GRIK1: variants seen among roughly 807,000 people sequenced by gnomAD.
GRIK1 encodes glutamate receptor ionotropic, kainate 1.
In GRIK1, 69 loss-of-function variants were observed where a neutral mutation model predicts 105.7. The ratio of observed to expected loss-of-function variants is 0.65; its 90% CI spans 0.54 to 0.80. The LOEUF is 0.80. Among genes scored for constraint, GRIK1 ranks in the 30% least tolerant of loss-of-function variants. The pLI is 0.00. For synonymous variants in GRIK1, 438 were observed against 431.3 expected (o/e 1.02, Z -0.19); for missense variants, 1,109 against 1,167.3 (o/e 0.95, Z 0.73).
rs370424938 is a variant in GRIK1 at position 29,642,988 on chromosome 21, A to C, written c.955-19T>G. The C allele has an allele frequency of 1.2e-6, 2 of 1,608,114 alleles. No individual in the cohort carries two copies. The highest frequency in any genetic ancestry group is 2.7e-5 in the African/African-American group (2 of 74,728). On this transcript the variant is annotated intron_variant, in intron 6 of 17. Coordinates refer to ENST00000327783, the MANE Select transcript of GRIK1 (RefSeq NM_001330994.2). ...CTTCAGTCTGTGGAGGAAAACACAC[A>C]CCGCATCTTAAATTCCACTTTTGCT... is the stretch of plus-strand genomic sequence containing the variant.
intron 4 of GRIK1, among the ~76,000 whole-genome samples, chr21:29,668,954 C>G (rs189864629): frequency 6.6e-6 from 1 of 152,082 alleles, no homozygotes. Context: ...GACCCTGCTG[C>G]GAGGTGGTGG....
At chr21:29,770,829 C>G (rs955711067) in intron 1 of GRIK1, among the ~76,000 whole-genome samples, 3 of 152,178 alleles carry the variant, frequency 2.0e-5, no homozygotes, top group African/African-American at 7.2e-5. Context: ...AAAATATTCA[C>G]TTGCCTAGGT....
At chr21:29,800,882 G>A (rs1263861182) in intron 1 of GRIK1, among the ~76,000 whole-genome samples, 1 of 152,172 alleles carries the variant, frequency 6.6e-6, no homozygotes, top group Non-Finnish European at 1.5e-5. Flanking sequence ...GAGTGCCTGA[G>A]GACAGGGTGA....
intron 1 of GRIK1, among the ~76,000 whole-genome samples, chr21:29,856,610 G>A (rs377611388): frequency 2.0e-5 from 3 of 152,264 alleles, no homozygotes; most frequent in South Asian, 2.1e-4. Context: ...TCTAAGCACC[G>A]ATGATATAGA....
chr21:29,649,343 T>C (rs1049598955), intron 6 of GRIK1, among the ~76,000 whole-genome samples: 1 of 152,226 alleles, frequency 6.6e-6, no homozygotes, highest in Non-Finnish European at 1.5e-5. Context: ...TGCAGCACCT[T>C]AGTGAGCTAC....
intron 4 of GRIK1, among the ~76,000 whole-genome samples, chr21:29,663,484 A>T (rs946602351): frequency 6.6e-6 from 1 of 152,148 alleles, no homozygotes; most frequent in East Asian, 1.9e-4. Context: ...AAGAATTCAG[A>T]CCTACCTTGA....
At chr21:29,934,840 CA>C (rs1176169875) in intron 1 of GRIK1, among the ~76,000 whole-genome samples, 1 of 151,998 alleles carries the variant, frequency 6.6e-6, no homozygotes, top group East Asian at 1.9e-4. Context: ...CCCATAAAAT[CA>C]ATATTAAATG....
chr21:29,771,886 T>A (rs945922865), intron 1 of GRIK1, among the ~76,000 whole-genome samples: 2 of 152,236 alleles, frequency 1.3e-5, no homozygotes, highest in African/African-American at 2.4e-5. Context: ...TAGTCCCTCC[T>A]GTAAGGTCAC....
intron 12 of GRIK1, 116 bp from the exon 13 acceptor site, chr21:29,581,659 A>G: frequency 1.6e-6 from 1 of 644,590 alleles, no homozygotes; most frequent in African/African-American, 1.8e-5. Context: ...AAAGCTTCAA[A>G]CCAAAAGAGT....
chr21:29,837,318 A>G (rs2067835267), intron 1 of GRIK1, among the ~76,000 whole-genome samples: 1 of 152,202 alleles, frequency 6.6e-6, no homozygotes, highest in Admixed American at 6.5e-5. Flanking sequence ...GTAAAAGAAT[A>G]AATGAGTGAT....
chr21:29,729,471 A>G (rs375353749), intron 1 of GRIK1, among the ~76,000 whole-genome samples: 2 of 152,188 alleles, frequency 1.3e-5, no homozygotes, highest in Non-Finnish European at 2.9e-5. Flanking sequence ...CATATTCAGT[A>G]TCATTTCTGC....
At chr21:29,554,161 C>T (rs1350852544) in intron 16 of GRIK1, among the ~76,000 whole-genome samples, 1 of 152,132 alleles carries the variant, frequency 6.6e-6, no homozygotes, top group Non-Finnish European at 1.5e-5. Context: ...ATATGGGACA[C>T]TTTGTTCAAA....
chr21:29,920,548 C>T (rs1016243662), intron 1 of GRIK1, among the ~76,000 whole-genome samples: 2 of 152,016 alleles, frequency 1.3e-5, no homozygotes, highest in Non-Finnish European at 2.9e-5. Flanking sequence ...AGAACCATGA[C>T]CCTCTCATTA....
intron 3 of GRIK1, among the ~76,000 whole-genome samples, chr21:29,673,762 T>C (rs1487753247): frequency 6.6e-6 from 1 of 152,214 alleles, no homozygotes; most frequent in East Asian, 1.9e-4. Context: ...ACTTGATTTT[T>C]TAAAAAGACC....
chr21:29,710,006 A>G (rs1374224697), intron 1 of GRIK1, among the ~76,000 whole-genome samples: 4 of 151,806 alleles, frequency 2.6e-5, no homozygotes, highest in Non-Finnish European at 5.9e-5. Flanking sequence ...TTAAACCATT[A>G]TTTATGGTTT....
chr21:29,803,684 C>A (rs534868412), intron 1 of GRIK1, among the ~76,000 whole-genome samples: 2 of 152,056 alleles, frequency 1.3e-5, no homozygotes, highest in Non-Finnish European at 2.9e-5. Flanking sequence ...TGGTTCAGCT[C>A]TGTGCAAATC....
chr21:29,717,527 G>T (rs1447454012), intron 1 of GRIK1, among the ~76,000 whole-genome samples: 1 of 152,242 alleles, frequency 6.6e-6, no homozygotes, highest in African/African-American at 2.4e-5. Context: ...GATCATTTTG[G>T]AACTTTTAGG....
At chr21:29,729,098 C>T (rs1206848014) in intron 1 of GRIK1, among the ~76,000 whole-genome samples, 3 of 152,166 alleles carry the variant, frequency 2.0e-5, no homozygotes, top group Admixed American at 6.5e-5. Context: ...GGGACCTAAT[C>T]AATCCTCATC....
chr21:29,920,120 G>A (rs2071142293), intron 1 of GRIK1, among the ~76,000 whole-genome samples: 1 of 152,052 alleles, frequency 6.6e-6, no homozygotes. Context: ...CTGCTTCTTT[G>A]CTCACAGTCT....
Sources: allele counts gnomAD v4.1 joint callset (sites outside exome capture counted in the v4.1 genomes callset), GRCh38; gene constraint gnomAD v4.1.1; transcripts MANE v1.5; gene names NCBI Gene and HGNC (gene_info 2026-07-23, HGNC 2026-07-21).